Variants in SAE1 observed in about 807,000 individuals in gnomAD.
The protein encoded by SAE1 is SUMO-activating enzyme subunit 1.
SAE1 carries 11 observed loss-of-function variants against 40.6 expected under a neutral mutation model. That is an observed-to-expected ratio of 0.27 (90% CI 0.17 to 0.45). The LOEUF is 0.45. SAE1 is among the 20% of genes least tolerant of loss of function. The pLI is 1.00. For missense variants in SAE1, 373 were observed against 427.3 expected, an observed-to-expected ratio of 0.87 and a Z score of 1.12; for synonymous variants, 155 against 154.3, an observed-to-expected ratio of 1.00 and a Z score of -0.03.
intron 1 of SAE1, chr19:47,142,422 A>G (rs1000692483): frequency 6.6e-6 from 1 of 150,880 alleles, no homozygotes; most frequent in African/African-American, 2.4e-5. Context: ...ATTCCTGTGT[A>G]CATGCTCTTT....
rs186159383 is a variant in SAE1 at position 47,147,742 on chromosome 19, C to T, written c.211-2460C>T. Reference sequence around the variant, plus strand: ...TGCTGGGTTTACAGGTGTGAGCCACCGTGCCCAGCCTCAACTGTATTTTTT... The same window carrying T: ...TGCTGGGTTTACAGGTGTGAGCCACTGTGCCCAGCCTCAACTGTATTTTTT... On this transcript the variant is annotated intron_variant, in intron 2 of 8. Transcript: ENST00000270225. Among the ~76,000 whole-genome samples the T allele has an allele frequency of 2.6e-4, 39 of 150,070 alleles. 2 individuals are homozygous for T. The highest frequency in any genetic ancestry group is 1.3e-3 in the Admixed American group (19 of 15,054).
intron 5 of SAE1, among the ~76,000 whole-genome samples, chr19:47,167,950 T>C (rs1205274069): frequency 6.6e-6 from 1 of 152,166 alleles, no homozygotes; most frequent in Non-Finnish European, 1.5e-5. Flanking sequence ...CCCAACACTT[T>C]GGGAGACCGA....
At chr19:47,139,172 G>A (rs189908359) in intron 1 of SAE1, among the ~76,000 whole-genome samples, 1 of 152,054 alleles carries the variant, frequency 6.6e-6, no homozygotes, top group Non-Finnish European at 1.5e-5. Context: ...GGCTGGTCTC[G>A]AACTCCTGAC....
chr19:47,175,519 T>C (rs1378911620), intron 6 of SAE1, among the ~76,000 whole-genome samples: 1 of 152,090 alleles, frequency 6.6e-6, no homozygotes, highest in East Asian at 1.9e-4. Flanking sequence ...GGCAGATCAT[T>C]TGAAGTCAGG....
chr19:47,182,484 T>C (rs1401503905), intron 6 of SAE1, among the ~76,000 whole-genome samples: 1 of 144,076 alleles, frequency 6.9e-6, no homozygotes, highest in Non-Finnish European at 1.5e-5. Context: ...TGTGTGTGTG[T>C]GTGTGTGTGT....
chr19:47,155,555 G>A (rs1348672316), intron 5 of SAE1, among the ~76,000 whole-genome samples: 1 of 151,954 alleles, frequency 6.6e-6, no homozygotes, highest in Non-Finnish European at 1.5e-5. Context: ...CCACCTCCTG[G>A]GTTCAAGCAA....
chr19:47,144,160 T>C (rs1380865763), intron 2 of SAE1, among the ~76,000 whole-genome samples: 2 of 151,614 alleles, frequency 1.3e-5, no homozygotes, highest in Non-Finnish European at 2.9e-5. Flanking sequence ...ATGGCAAAAC[T>C]CTGTCTGTAC....
At chr19:47,208,835 G>A (rs2058698767) in intron 8 of SAE1, among the ~76,000 whole-genome samples, 1 of 152,212 alleles carries the variant, frequency 6.6e-6, no homozygotes, top group South Asian at 2.1e-4. Context: ...GGGATTACAG[G>A]TGTGAATGTG....
At chr19:47,201,360 CTTTTTTTT>C (rs57568797) in intron 7 of SAE1, among the ~76,000 whole-genome samples, 1,080 of 66,176 alleles carry the variant, frequency 0.016, 10 homozygotes, top group African/African-American at 0.021. Context: ...TATCTGGTTC[CTTTTTTTT>C]TTTTTTTTTT....
chr19:47,178,092 T>G (rs1260472943), intron 6 of SAE1, among the ~76,000 whole-genome samples: 2 of 151,902 alleles, frequency 1.3e-5, no homozygotes, highest in Non-Finnish European at 2.9e-5. Context: ...AATACAAAAA[T>G]TAGCTGGGCA....
chr19:47,154,480 C>CCTT (rs2058307612), intron 4 of SAE1, among the ~76,000 whole-genome samples: 8 of 51,576 alleles, frequency 1.6e-4, no homozygotes, highest in African/African-American at 5.8e-4. Flanking sequence ...TTAAGTTTGG[C>CCTT]TTTTTTTTTT....
At chr19:47,182,288 G>C (rs928386604) in intron 6 of SAE1, among the ~76,000 whole-genome samples, 2 of 152,000 alleles carry the variant, frequency 1.3e-5, no homozygotes, top group African/African-American at 4.8e-5. Flanking sequence ...TCGCTATTTG[G>C]GTATGACATT....
At chr19:47,148,071 G>A (rs896899785) in intron 2 of SAE1, among the ~76,000 whole-genome samples, 25 of 152,016 alleles carry the variant, frequency 1.6e-4, no homozygotes, top group Non-Finnish European at 2.5e-4. Flanking sequence ...TCAACTGTAC[G>A]TTTTTATCCA....
intron 6 of SAE1, among the ~76,000 whole-genome samples, chr19:47,191,517 G>C (rs2058577626): frequency 6.6e-6 from 1 of 152,186 alleles, no homozygotes; most frequent in Non-Finnish European, 1.5e-5. Flanking sequence ...GCAAAGCTGT[G>C]CATGGGCTGC....
chr19:47,184,241 T>G (rs2058528294), intron 6 of SAE1, among the ~76,000 whole-genome samples: 1 of 152,150 alleles, frequency 6.6e-6, no homozygotes, highest in South Asian at 2.1e-4. Flanking sequence ...AATTGGCATG[T>G]CTTCTGTTTC....
chr19:47,182,364 T>C (rs1340739585), intron 6 of SAE1, among the ~76,000 whole-genome samples: 2 of 151,854 alleles, frequency 1.3e-5, no homozygotes, highest in Non-Finnish European at 2.9e-5. Context: ...CACAGGGAAA[T>C]GGGTTCCGAT....
At chr19:47,154,538 A>G (rs1259593448) in intron 4 of SAE1, among the ~76,000 whole-genome samples, 1 of 110,828 alleles carries the variant, frequency 9.0e-6, no homozygotes, top group Non-Finnish European at 1.7e-5. Context: ...TCAGTTGCCC[A>G]GGCTGGAGTA....
At chr19:47,148,148 G>A (rs762742696) in intron 2 of SAE1, among the ~76,000 whole-genome samples, 1 of 152,058 alleles carries the variant, frequency 6.6e-6, no homozygotes, top group Non-Finnish European at 1.5e-5. Flanking sequence ...GCCAGGATTT[G>A]AATCAAAGAT....
intron 6 of SAE1, among the ~76,000 whole-genome samples, chr19:47,191,249 A>G (rs1013117315): frequency 1.3e-5 from 2 of 152,134 alleles, no homozygotes; most frequent in Non-Finnish European, 2.9e-5. Flanking sequence ...CGTCACTAGT[A>G]AAAATACAAA....
Sources: gnomAD v4.1 joint callset for allele counts (sites outside exome capture counted in the v4.1 genomes callset) on GRCh38, gnomAD v4.1.1 for gene constraint, MANE v1.5 for transcripts, NCBI Gene and HGNC (gene_info 2026-07-23, HGNC 2026-07-21) for gene names.